The following LONRF1 variants were observed in gnomAD, a reference collection of about 807,000 sequenced individuals.
LONRF1 encodes LON peptidase N-terminal domain and RING finger protein 1.
LONRF1 carries 37 observed loss-of-function variants against 85.8 expected under a neutral mutation model. That is an observed-to-expected ratio of 0.43 (90% CI 0.33 to 0.57). The LOEUF is 0.57. Among genes scored for constraint, LONRF1 ranks in the 20% least tolerant of loss-of-function variants. The probability of loss-of-function intolerance (pLI) is 0.04; values close to 1 mark genes in which losing one functional copy is unlikely to be tolerated. For synonymous variants in LONRF1, 517 were observed against 390.1 expected (o/e 1.33, Z -3.83); for missense variants, 1,036 against 978.0 (o/e 1.06, Z -0.79).
At chr8:12,740,817 T>A (rs542534082) in intron 3 of LONRF1, 57 bp downstream of exon 3, 91 of 1,547,150 alleles carry the variant, frequency 5.9e-5, no homozygotes, top group African/African-American at 1.9e-4. Flanking sequence ...CTTTTTTTTT[T>A]AAACCTGTCT....
chr8:12,736,156 C>A (rs1415090321), intron 6 of LONRF1, among the ~76,000 whole-genome samples: 1 of 152,010 alleles, frequency 6.6e-6, no homozygotes, highest in Non-Finnish European at 1.5e-5. Context: ...GCCTCCTGAC[C>A]CCGTATGAAT....
chr8:12,744,327 A>C (rs1054952493), intron 1 of LONRF1, among the ~76,000 whole-genome samples: 4 of 152,204 alleles, frequency 2.6e-5, no homozygotes, highest in African/African-American at 9.6e-5. Flanking sequence ...CTGGGATTAC[A>C]ATGTTCTCAG....
At chr8:12,729,449 T>C in intron 8 of LONRF1, 117 bp from the exon 9 acceptor site, 3 of 994,756 alleles carry the variant, frequency 3.0e-6, no homozygotes, top group Non-Finnish European at 2.9e-6. Context: ...AAAAAAGAAT[T>C]AGTTCTAAAT....
At chr8:12,744,077 T>C (rs942768297) in intron 1 of LONRF1, among the ~76,000 whole-genome samples, 2 of 152,138 alleles carry the variant, frequency 1.3e-5, no homozygotes, top group Non-Finnish European at 2.9e-5. Context: ...TAATTTATAA[T>C]ATAGCAACAA....
At chr8:12,727,152 G>A (rs1308976610) in intron 10 of LONRF1, 4 of 123,350 alleles carry the variant, frequency 3.2e-5, no homozygotes, top group Admixed American at 9.3e-5. Flanking sequence ...CATCTGCTCT[G>A]CACCCTCACA....
intron 11 of LONRF1, among the ~76,000 whole-genome samples, chr8:12,725,447 C>G (rs1429407615): frequency 6.6e-6 from 1 of 152,062 alleles, no homozygotes; most frequent in African/African-American, 2.4e-5. Context: ...AATTCCTTAC[C>G]CACTCCTAAA....
chr8:12,736,798 C>A lies in LONRF1; in HGVS notation c.1355-1G>T, dbSNP rs1385528677. On this transcript the variant is annotated splice_acceptor_variant, in intron 5 of 11. Transcript: ENST00000398246. LOFTEE classifies it high-confidence loss of function. ...AACATACAGACTTCATTGGGAGTTT[C>A]TATTAAAACAAAGACATGGGGTTTT... 2 of 1,600,494 alleles carry A rather than the reference C, an allele frequency of 1.2e-6. No individual in the cohort carries two copies. The highest frequency in any genetic ancestry group is 1.3e-5 in the African/African-American group (1 of 74,086).
intron 1 of LONRF1, among the ~76,000 whole-genome samples, chr8:12,749,711 A>C (rs1399106895): frequency 6.6e-6 from 1 of 152,188 alleles, no homozygotes. Context: ...AAGCCATTAC[A>C]GTTGATCTTT....
chr8:12,731,369 G>A (rs539513694), intron 8 of LONRF1, among the ~76,000 whole-genome samples: 2 of 152,156 alleles, frequency 1.3e-5, no homozygotes, highest in South Asian at 4.1e-4. Flanking sequence ...TGCTAATCTA[G>A]GCTACTGACC....
At chr8:12,749,728 A>ACC (rs1052423886) in intron 1 of LONRF1, among the ~76,000 whole-genome samples, 2 of 152,108 alleles carry the variant, frequency 1.3e-5, no homozygotes, top group Non-Finnish European at 2.9e-5. Flanking sequence ...CTTTTTAGTA[A>ACC]CCCTGAGGCA....
chr8:12,739,943 C>T (rs902007815), intron 3 of LONRF1, among the ~76,000 whole-genome samples: 12 of 152,250 alleles, frequency 7.9e-5, no homozygotes, highest in Middle Eastern at 3.4e-3. Flanking sequence ...CTTAAGGCGG[C>T]TGAGATCTGA....
intron 8 of LONRF1, among the ~76,000 whole-genome samples, chr8:12,730,012 G>A (rs973700671): frequency 2.0e-5 from 3 of 152,144 alleles, no homozygotes; most frequent in African/African-American, 4.8e-5. Context: ...GAAACCTTAC[G>A]TTGTTGGCAG....
At position 12,725,856 on chromosome 8, in the gene LONRF1, C is replaced by G. The variant is rs899243938; in HGVS notation, c.2034G>C (p.Lys678Asn). The G allele has an allele frequency of 8.1e-6, 13 of 1,611,142 alleles. No individual in the cohort carries two copies. The highest frequency in any genetic ancestry group is 1.0e-5 in the Non-Finnish European group (12 of 1,178,280). Residue 678 changes from lysine to asparagine, a missense_variant, in exon 11 of 12, where the codon AAG (lysine) becomes AAC (asparagine). Physicochemically the swap from Lys to Asn is moderately conservative, Grantham distance 94. Transcript: ENST00000398246. Reference protein sequence around the residue: ...DVKVENEDEIKNLRELHDLVY... With the variant: ...DVKVENEDEINNLRELHDLVY... ...CCAAATCATGAAGCTCTCTGAGATT[C>G]TTAATCTCATCTTCATTCTCAACCT...
intron 11 of LONRF1, among the ~76,000 whole-genome samples, chr8:12,725,231 G>C (rs1040053849): frequency 6.6e-6 from 1 of 152,148 alleles, no homozygotes; most frequent in African/African-American, 2.4e-5. Context: ...TGAGAAGCGA[G>C]GTATTAAACA....
Position 12,755,048 on chromosome 8 carries a change from C to A in LONRF1, c.373G>T (p.Gly125Cys). The change falls in exon 1 of 12, where the codon GGC becomes TGC. Residue 125 changes from glycine (G) to cysteine (C), a missense_variant. Transcript: ENST00000398246. Reference protein sequence around the residue: ...GGAGGLLRCLGCRGFLSEPVT... With the variant: ...GGAGGLLRCLCCRGFLSEPVT... The stretch of plus-strand genomic sequence containing the variant: ...GGCTCGCTCAGGAAGCCCCGGCAGC[C>A]CAGGCATCTGAGGAGCCCGCCGGCG... 1 of 1,487,198 alleles carries A rather than the reference C, an allele frequency of 6.7e-7. No homozygotes were observed. Among genetic ancestry groups the A allele is most frequent in the South Asian group, 1.3e-5 (1 of 79,356 alleles). 92.1% of individuals were successfully genotyped at this position (1,487,198 alleles called of 1,614,324 possible).
intron 1 of LONRF1, chr8:12,754,287 G>A (rs1490398786): frequency 3.8e-5 from 6 of 159,054 alleles, no homozygotes; most frequent in African/African-American, 7.2e-5. Flanking sequence ...TCCCCGCGGC[G>A]GGCCCGGCCC....
chr8:12,738,092 G>T lies in LONRF1; in HGVS notation c.1016C>A (p.Ser339Tyr), dbSNP rs748095758. The change falls in exon 4 of 12, where the codon TCT (serine) becomes TAT (tyrosine). Residue 339 changes from serine to tyrosine, a missense_variant. This residue lies in a region of LONRF1 where 742 missense variants were observed against 614.4 expected (regional missense o/e 1.21). Coordinates refer to ENST00000398246, the MANE Select transcript of LONRF1 (RefSeq NM_152271.5). ...PENLKEGLKE[S>Y]SWSSLPCTKN... is the part of the protein sequence containing the mutation. Reference sequence around the variant, plus strand: ...AGTACATGGTAATGAACTCCAGGAAGATTCCTTCAGGCCTTCTTTTAAGTT... The same window carrying T: ...AGTACATGGTAATGAACTCCAGGAATATTCCTTCAGGCCTTCTTTTAAGTT... The T allele has an allele frequency of 2.5e-6, 4 of 1,606,602 alleles. No individual in the cohort carries two copies. In the South Asian group the frequency reaches 3.4e-5, roughly 14 times the overall value.
chr8:12,735,252 A>C (rs764687107), intron 7 of LONRF1, 34 bp downstream of exon 7: 10 of 1,425,568 alleles, frequency 7.0e-6, no homozygotes, highest in Non-Finnish European at 9.7e-6. Flanking sequence ...GCCAAACTTA[A>C]GACCAACAAA....
Position 12,755,354 on chromosome 8 carries a change from C to A in LONRF1, c.67G>T (p.Gly23Cys). 8.2e-7 allele frequency: 1 copy of A among 1,225,878 alleles called. No homozygotes were observed. The highest frequency in any genetic ancestry group is 1.0e-6 in the Non-Finnish European group (1 of 980,858). The allele number at this position is 1,225,878 out of a possible 1,614,324, so 75.9% of individuals were successfully genotyped here. A position where few individuals can be genotyped will look rare whatever the true frequency, so the allele number is the denominator to read the frequency against. ...CCCACTTCCCAGAACCGGCCTCGGCCCTGCGGCGCTGGGGCCATCTCCCGA... is the reference window on the plus strand; with the variant it reads ...CCCACTTCCCAGAACCGGCCTCGGCACTGCGGCGCTGGGGCCATCTCCCGA... Reference protein sequence around the residue: ...GSREMAPAPQGRGRFWEVGGG... With the variant: ...GSREMAPAPQCRGRFWEVGGG... Residue 23 changes from glycine to cysteine, a missense_variant, in exon 1 of 12, where the codon GGC becomes TGC. Coordinates refer to ENST00000398246, the MANE Select transcript of LONRF1 (RefSeq NM_152271.5).
Sources: gnomAD v4.1 joint callset for allele counts (sites outside exome capture counted in the v4.1 genomes callset) on GRCh38, gnomAD v4.1.1 for gene constraint, gnomAD v4.1.1 regional missense constraint, MANE v1.5 for transcripts, NCBI Gene and HGNC (gene_info 2026-07-23, HGNC 2026-07-21) for gene names.